TMEM243: variants seen among roughly 807,000 people sequenced by gnomAD.
TMEM243 encodes transmembrane protein 243.
In TMEM243, 20 loss-of-function variants were observed where a neutral mutation model predicts 15.0. The observed-to-expected ratio is 1.33, with a 90% CI of 0.94 to 1.93. The LOEUF is 1.93. TMEM243 is among the 30% of genes most tolerant of loss of function. The pLI, the probability that TMEM243 is intolerant of heterozygous loss-of-function variation, is 0.00. For synonymous variants in TMEM243, 72 were observed against 52.7 expected (o/e 1.37, Z -1.59); for missense variants, 156 against 142.1 (o/e 1.10, Z -0.50).
At chr7:87,209,460 CA>C (rs1562884202) in intron 1 of TMEM243, among the ~76,000 whole-genome samples, 1 of 147,178 alleles carries the variant, frequency 6.8e-6, no homozygotes, top group Non-Finnish European at 1.5e-5. Context: ...GTGAGACAGA[CA>C]GAGTGAGACA....
intron 1 of TMEM243, among the ~76,000 whole-genome samples, chr7:87,204,254 A>G (rs1194643519): frequency 6.6e-6 from 1 of 152,200 alleles, no homozygotes; most frequent in African/African-American, 2.4e-5. Flanking sequence ...CATGGGAATT[A>G]TGGGAGCTAC....
At chr7:87,199,119 C>G in intron 1 of TMEM243, 62 bp from the exon 2 acceptor site, 1 of 1,339,068 alleles carries the variant, frequency 7.5e-7, no homozygotes, top group Non-Finnish European at 1.0e-6. Context: ...CAGTATAGTA[C>G]AATGCAAGGC....
rs757048271 is a variant in TMEM243 at position 87,196,760 on chromosome 7, T to C, written c.235-2A>G. 1.8e-5 allele frequency: 27 copies of C among 1,533,082 alleles called. No individual in the cohort carries two copies. Among genetic ancestry groups the C allele is most frequent in the Non-Finnish European group, 2.3e-5 (26 of 1,130,578 alleles). 95.0% of individuals were successfully genotyped at this position (1,533,082 alleles called of 1,614,324 possible). On this transcript the variant is annotated splice_acceptor_variant, in intron 3 of 3. Transcript: ENST00000257637. LOFTEE classifies it high-confidence loss of function. ...GTCTCCTTGTCGATACCAGTAGATC[T>C]AAAAGAAGAATTAAAGTTTATAAAT... is the stretch of plus-strand genomic sequence containing the variant.
intron 1 of TMEM243, among the ~76,000 whole-genome samples, chr7:87,202,759 C>T (rs1366134028): frequency 6.6e-6 from 1 of 152,202 alleles, no homozygotes; most frequent in Non-Finnish European, 1.5e-5. Context: ...AACCAAGGTT[C>T]TCATCTCATT....
chr7:87,197,858 T>TA, intron 3 of TMEM243, 83 bp downstream of exon 3: 1 of 1,601,414 alleles, frequency 6.2e-7, no homozygotes, highest in Non-Finnish European at 8.5e-7. Context: ...CCCTTTTGTA[T>TA]AGACCCAAGG....
chr7:87,196,760 T>TAA lies in TMEM243; in HGVS notation c.235-4_235-3dup, dbSNP rs1801293398. 3.3e-6 allele frequency: 5 copies of TAA among 1,533,084 alleles called. No individual in the cohort carries two copies. Among genetic ancestry groups the TAA allele is most frequent in the Non-Finnish European group, 4.4e-6 (5 of 1,130,580 alleles). The allele number at this position is 1,533,084 out of a possible 1,614,324, so 95.0% of individuals were successfully genotyped here. A position where few individuals can be genotyped will look rare whatever the true frequency, so the allele number is the denominator to read the frequency against. On this transcript the variant is annotated splice_region_variant and splice_polypyrimidine_tract_variant and intron_variant, in intron 3 of 3. Coordinates refer to ENST00000257637, the MANE Select transcript of TMEM243 (RefSeq NM_024315.4). The stretch of plus-strand genomic sequence containing the variant: ...GTCTCCTTGTCGATACCAGTAGATC[T>TAA]AAAAGAAGAATTAAAGTTTATAAAT...
intron 1 of TMEM243, among the ~76,000 whole-genome samples, chr7:87,217,988 C>T (rs1480348396): frequency 6.6e-6 from 1 of 152,262 alleles, no homozygotes; most frequent in Non-Finnish European, 1.5e-5. Flanking sequence ...GTCTGGATCA[C>T]CCAGAACCCC....
upstream of TMEM243, chr7:87,219,775 CCCCG>C (rs1250494388): frequency 4.0e-5 from 19 of 473,478 alleles, no homozygotes. Flanking sequence ...AGCGGGACGC[CCCCG>C]CCCGGGCAGC....
In TMEM243 at chr7:87,213,990, C is replaced by T. The variant is rs962320577; in HGVS notation, c.78+5436G>A. 2.0e-5 allele frequency among the ~76,000 whole-genome samples: 3 copies of T among 152,196 alleles called. No individual in the cohort carries two copies. The East Asian group carries it at 5.8e-4, about 29-fold the overall frequency. On this transcript the variant is annotated intron_variant, in intron 1 of 3. Transcript: ENST00000257637. Reference sequence around the variant, plus strand: ...CCAAGAAGGAATAAAGGAGCAAGAACTGTCACCACCCTTCTTAGAGGATGA... The same window carrying T: ...CCAAGAAGGAATAAAGGAGCAAGAATTGTCACCACCCTTCTTAGAGGATGA...
chr7:87,212,732 A>C (rs946429377), intron 1 of TMEM243, among the ~76,000 whole-genome samples: 4 of 152,210 alleles, frequency 2.6e-5, no homozygotes, highest in African/African-American at 9.6e-5. Context: ...ATGTCCCAAG[A>C]ATGTAGGTTA....
intron 1 of TMEM243, among the ~76,000 whole-genome samples, chr7:87,214,166 T>C (rs1236222528): frequency 6.6e-6 from 1 of 152,174 alleles, no homozygotes; most frequent in Admixed American, 6.5e-5. Context: ...AACCATTCTC[T>C]CCCTCTCCTC....
chr7:87,197,786 C>T lies in TMEM243; in HGVS notation c.234+155G>A, dbSNP rs1046087359. On this transcript the variant is annotated intron_variant, in intron 3 of 3. Coordinates refer to ENST00000257637, the MANE Select transcript of TMEM243 (RefSeq NM_024315.4). ...GGATTTAGGAGAAAAGGAGAAGACT[C>T]AGATTTTATTGAGAATTCTAACATA... 1.4e-5 allele frequency: 21 copies of T among 1,459,052 alleles called. No homozygotes were observed. In the Admixed American group the frequency reaches 2.3e-4, roughly 16 times the overall value. The allele number at this position is 1,459,052 out of a possible 1,614,324, so 90.4% of individuals were successfully genotyped here.
rs560129213 is a variant in TMEM243 at position 87,199,169 on chromosome 7, C to T, written c.79-112G>A. 11 of 792,198 alleles carry T rather than the reference C, an allele frequency of 1.4e-5. 1 individual carries two copies. The South Asian group carries it at 2.0e-4, about 14-fold the overall frequency. The allele number at this position is 792,198 out of a possible 1,614,324, so 49.1% of individuals were successfully genotyped here. A position where few individuals can be genotyped will look rare whatever the true frequency, so the allele number is the denominator to read the frequency against. On this transcript the variant is annotated intron_variant, in intron 1 of 3. Transcript: ENST00000257637. ...CTATAAAGAAACCCAAGATCCAGTC[C>T]TCTGAGCTTTACACATAAAACTACC...
intron 1 of TMEM243, among the ~76,000 whole-genome samples, chr7:87,207,229 A>G (rs113239028): frequency 2.0e-5 from 3 of 152,338 alleles, no homozygotes; most frequent in Non-Finnish European, 4.4e-5. Flanking sequence ...CCAGCTGACA[A>G]ATCAATCCTT....
At chr7:87,206,493 T>A (rs1324643280) in intron 1 of TMEM243, among the ~76,000 whole-genome samples, 1 of 152,180 alleles carries the variant, frequency 6.6e-6, no homozygotes. Context: ...AGTGGATGCC[T>A]GAAACCACAA....
chr7:87,196,462 C>T lies in TMEM243; in HGVS notation c.*174G>A. 1 of 593,088 alleles carries T rather than the reference C, an allele frequency of 1.7e-6. No individual in the cohort carries two copies. The allele number at this position is 593,088 out of a possible 1,614,324, so 36.7% of individuals were successfully genotyped here. On this transcript the variant is annotated 3_prime_UTR_variant, in exon 4 of 4. Coordinates refer to ENST00000257637, the MANE Select transcript of TMEM243 (RefSeq NM_024315.4). ...CAACATCAGCTCCTTAAAGAAAAAG[C>T]AAAGTGATCTAGGATATGTCTCCCT...
At position 87,219,712 on chromosome 7, in the gene TMEM243, T is replaced by C. The variant is rs185414559; in HGVS notation, c.-209A>G. On this transcript the variant is annotated 5_prime_UTR_variant, in exon 1 of 4. Transcript: ENST00000257637. ...CCCGGCCCCGCGCACCTCCTCATCTTGAGCAGCTGCCGCAGGAAGTGAAAG... is the reference window on the plus strand; with the variant it reads ...CCCGGCCCCGCGCACCTCCTCATCTCGAGCAGCTGCCGCAGGAAGTGAAAG... 62 of 580,874 alleles carry C rather than the reference T, an allele frequency of 1.1e-4. No homozygotes were observed. The East Asian group carries it at 1.5e-3, about 14-fold the overall frequency. 36.0% of individuals were successfully genotyped at this position (580,874 alleles called of 1,614,324 possible). A position where few individuals can be genotyped will look rare whatever the true frequency, so the allele number is the denominator to read the frequency against.
At chr7:87,209,501 AGAGT>A (rs1297452151) in intron 1 of TMEM243, among the ~76,000 whole-genome samples, 34 of 145,828 alleles carry the variant, frequency 2.3e-4, no homozygotes, top group African/African-American at 7.5e-4. Context: ...AGAGAGAGAG[AGAGT>A]GAGAAAGACA....
chr7:87,202,106 T>G (rs1462792927), intron 1 of TMEM243, among the ~76,000 whole-genome samples: 3 of 152,224 alleles, frequency 2.0e-5, no homozygotes, highest in Admixed American at 6.5e-5. Context: ...AGTCATATAT[T>G]TATGCATTTA....
Sources: allele counts gnomAD v4.1 joint callset (sites outside exome capture counted in the v4.1 genomes callset), GRCh38; gene constraint gnomAD v4.1.1; transcripts MANE v1.5; gene names NCBI Gene and HGNC (gene_info 2026-07-23, HGNC 2026-07-21).